The following TDRKH variants were observed in gnomAD, a reference collection of about 807,000 sequenced individuals.
The protein encoded by TDRKH is tudor and KH domain containing, also known as tudor and KH domain-containing protein.
Under a neutral mutation model 61.3 loss-of-function variants are expected in TDRKH, and 28 were observed. The observed-to-expected ratio is 0.46, with a 90% CI of 0.34 to 0.63. The LOEUF is 0.63. TDRKH is among the 20% of genes least tolerant of loss of function. The pLI, the probability that TDRKH is intolerant of heterozygous loss-of-function variation, is 0.01. For synonymous variants in TDRKH, 219 were observed against 244.4 expected, an observed-to-expected ratio of 0.90 and a Z score of 0.97; for missense variants, 540 against 683.4, an observed-to-expected ratio of 0.79 and a Z score of 2.34.
intron 1 of TDRKH, among the ~76,000 whole-genome samples, chr1:151,784,552 G>GGA (rs142290017): frequency 0.077 from 11,656 of 152,238 alleles, 588 homozygotes; most frequent in Non-Finnish European, 0.11. Flanking sequence ...CACAGCTGAT[G>GGA]ATTCCCTCTT....
At chr1:151,784,041 G>A (rs765258430) in intron 1 of TDRKH, among the ~76,000 whole-genome samples, 14 of 152,042 alleles carry the variant, frequency 9.2e-5, no homozygotes, top group Admixed American at 6.6e-4. Flanking sequence ...CAAACGTCTC[G>A]TGCTGCCTCC....
chr1:151,780,241 C>G (rs1649618234), intron 3 of TDRKH, 101 bp from the exon 4 acceptor site: 1 of 1,245,008 alleles, frequency 8.0e-7, no homozygotes, highest in Non-Finnish European at 1.1e-6. Flanking sequence ...ATAGAATTAG[C>G]CAAAGGAATT....
chr1:151,772,111 T>C (rs1648737830), downstream of TDRKH: 1 of 393,320 alleles, frequency 2.5e-6, no homozygotes, highest in African/African-American at 2.1e-5. Flanking sequence ...TTTTCTTTTT[T>C]TGGAGACAGC....
chr1:151,775,363 G>A, intron 10 of TDRKH, 29 bp downstream of exon 10: 1 of 1,600,844 alleles, frequency 6.2e-7, no homozygotes, highest in Non-Finnish European at 8.5e-7. Context: ...CTGAAGATAT[G>A]GCAAGCAGTG....
chr1:151,770,185 C>G, downstream of TDRKH: 1 of 1,613,794 alleles, frequency 6.2e-7, no homozygotes, highest in Non-Finnish European at 8.5e-7. Context: ...GACTGCAACC[C>G]TGGAGTACGT....
At chr1:151,775,284 A>G (rs1211960370) in intron 10 of TDRKH, 108 bp downstream of exon 10, 20 of 1,548,050 alleles carry the variant, frequency 1.3e-5, no homozygotes, top group Middle Eastern at 1.7e-4. Flanking sequence ...GGTGAGAAGG[A>G]TCTTACAGTA....
chr1:151,774,316 T>A lies in TDRKH; in HGVS notation c.*136A>T, dbSNP rs1648940846. 1 of 842,788 alleles carries A rather than the reference T, an allele frequency of 1.2e-6. No homozygotes were observed. The allele number at this position is 842,788 out of a possible 1,614,324, so 52.2% of individuals were successfully genotyped here. On this transcript the variant is annotated 3_prime_UTR_variant, in exon 13 of 13. Transcript: ENST00000368824. ...AGGAAAGCAGCTGCAGAGAAGTATA[T>A]TAAGACAGGGCATGGGAAAGAGGGA...
chr1:151,770,145 T>A (rs527254670), downstream of TDRKH: 1,691 of 1,612,082 alleles, frequency 1.0e-3, 34 homozygotes, highest in South Asian at 0.018. Flanking sequence ...CGGCCAAACA[T>A]TTTAACTGTT....
intron 6 of TDRKH, among the ~76,000 whole-genome samples, chr1:151,778,324 A>G (rs1051727083): frequency 4.6e-5 from 7 of 152,220 alleles, no homozygotes; most frequent in African/African-American, 1.4e-4. Context: ...ACTTGTCTCA[A>G]TATAGTCTGT....
chr1:151,779,144 TAA>T lies in TDRKH; in HGVS notation c.518_519del (p.Leu173HisfsTer25). 1 of 1,614,220 alleles carries T rather than the reference TAA, an allele frequency of 6.2e-7. No individual in the cohort carries two copies. The highest frequency in any genetic ancestry group is 2.2e-5 in the East Asian group (1 of 44,886). On this transcript the variant is annotated frameshift_variant, in exon 5 of 13. Transcript: ENST00000368824. LOFTEE classifies it high-confidence loss of function. ...ESEGTLLLSR[L>X]IKISGTQKEV... is the part of the protein sequence containing the mutation. ...TCCTTCTGTGTTCCTGAGATTTTTA[TAA>T]GTCTTGATAGTAGTAATGTCCCTTC...
chr1:151,776,504 C>A lies in TDRKH; in HGVS notation c.979G>T (p.Gly327Cys). ...HPNHFWIQIV[G>C]SRSLQLDKLV... ...TTATCCAATTGCAGGCTGCGGGAGC[C>A]AACGATCTGGATCCAGAAGTGGTTA... The change falls in exon 7 of 13, where the codon GGC (glycine) becomes TGC (cysteine). Residue 327 changes from glycine (G) to cysteine (C), a missense_variant. Around this residue, in one of 3 missense-constraint regions of TDRKH, gnomAD observed 379 missense variants for 443.8 expected, o/e 0.85. Transcript: ENST00000368824. 1 of 1,614,134 alleles carries A rather than the reference C, an allele frequency of 6.2e-7. No homozygotes were observed. The highest frequency in any genetic ancestry group is 8.5e-7 in the Non-Finnish European group (1 of 1,180,034).
Position 151,781,328 on chromosome 1 carries a change from A to ATATATATATATATATAT in TDRKH, c.231+152_231+153insATATATATATATATATA, listed in dbSNP as rs1553282748. ...GCGAAACTCCATCTCAAAAAAAAAA[A>ATATATATATATATATAT]ATATATATATATATATTTTATATAT... On this transcript the variant is annotated intron_variant, in intron 3 of 12. Transcript: ENST00000368824. 1.0e-4 allele frequency among the ~76,000 whole-genome samples: 7 copies of ATATATATATATATATAT among 68,590 alleles called. 1 individual carries two copies. The highest frequency in any genetic ancestry group is 3.7e-4 in the South Asian group (1 of 2,680). The allele number at this position is 68,590 out of a possible 152,430, so 45.0% of individuals were successfully genotyped here.
chr1:151,788,683 T>C (rs932890262), intron 1 of TDRKH, among the ~76,000 whole-genome samples: 2 of 152,180 alleles, frequency 1.3e-5, no homozygotes, highest in African/African-American at 4.8e-5. Context: ...TTCTACACAA[T>C]ACAGTGTGCA....
chr1:151,769,970 G>C, downstream of TDRKH: 1 of 752,482 alleles, frequency 1.3e-6, no homozygotes, highest in Non-Finnish European at 2.0e-6. Context: ...CACTCAGCAG[G>C]CTGAGGCAGG....
At position 151,776,479 on chromosome 1, in the gene TDRKH, T is replaced by C. The variant is rs1383064062; in HGVS notation, c.1004A>G (p.Lys335Arg). The C allele has an allele frequency of 6.2e-7, 1 of 1,614,110 alleles. No individual in the cohort carries two copies. The highest frequency in any genetic ancestry group is 8.5e-7 in the Non-Finnish European group (1 of 1,180,052). ...IVGSRSLQLDKLVNEMTQHYE... is the reference protein window; with the variant it reads ...IVGSRSLQLDRLVNEMTQHYE... Reference sequence around the variant, plus strand: ...GTGCTGGGTCATCTCATTGACAAGCTTATCCAATTGCAGGCTGCGGGAGCC... The same window carrying C: ...GTGCTGGGTCATCTCATTGACAAGCCTATCCAATTGCAGGCTGCGGGAGCC... Residue 335 changes from lysine to arginine, a missense_variant, in exon 7 of 13, where the codon AAG (lysine) becomes AGG (arginine). This residue lies in a region of TDRKH where 379 missense variants were observed against 443.8 expected (regional missense o/e 0.85). Transcript: ENST00000368824.
chr1:151,771,026 A>G, downstream of TDRKH: 1 of 1,522,560 alleles, frequency 6.6e-7, no homozygotes, highest in South Asian at 1.3e-5. Context: ...GGGGGCATAC[A>G]TGTATTGAGT....
At chr1:151,782,179 T>C (rs1482679766) in intron 2 of TDRKH, among the ~76,000 whole-genome samples, 2 of 152,224 alleles carry the variant, frequency 1.3e-5, no homozygotes, top group African/African-American at 2.4e-5. Flanking sequence ...TAGCAAAGAC[T>C]AGGCCAGGTG....
intron 1 of TDRKH, among the ~76,000 whole-genome samples, chr1:151,785,452 T>C (rs1650224256): frequency 6.6e-6 from 1 of 152,210 alleles, no homozygotes. Context: ...CAGTTTATTC[T>C]CAACACAAGA....
chr1:151,774,567 C>A, intron 12 of TDRKH, 63 bp from the exon 13 acceptor site: 1 of 1,601,128 alleles, frequency 6.2e-7, no homozygotes, highest in Non-Finnish European at 8.5e-7. Context: ...GCAATGCCAG[C>A]GAGGCTCAAA....
Sources: allele counts gnomAD v4.1 joint callset (sites outside exome capture counted in the v4.1 genomes callset), GRCh38; gene constraint gnomAD v4.1.1; regional missense constraint gnomAD v4.1.1; transcripts MANE v1.5; gene names NCBI Gene and HGNC (gene_info 2026-07-23, HGNC 2026-07-21).